CELF2: variants seen among roughly 807,000 people sequenced by gnomAD.
CELF2 encodes CUGBP Elav-like family member 2.
In CELF2, 8 loss-of-function variants were observed where a neutral mutation model predicts 62.6. That is an observed-to-expected ratio of 0.13 (90% CI 0.07 to 0.23). CELF2 has a LOEUF of 0.23. Among genes scored for constraint, CELF2 ranks in the 10% least tolerant of loss-of-function variants. The probability of loss-of-function intolerance (pLI) is 1.00; values close to 1 mark genes in which losing one functional copy is unlikely to be tolerated. For missense variants in CELF2, 333 were observed against 671.0 expected (o/e 0.50, Z 5.56); for synonymous variants, 258 against 250.0 (o/e 1.03, Z -0.30).
chr10:11,119,289 A>T (rs2057229739), intron 1 of CELF2, among the ~76,000 whole-genome samples: 1 of 152,222 alleles, frequency 6.6e-6, no homozygotes, highest in South Asian at 2.1e-4. Flanking sequence ...AATTCAGTAG[A>T]TAGGCGTCCT....
the CELF2 span, among the ~76,000 whole-genome samples, chr10:10,535,021 A>T: frequency 6.6e-6 from 1 of 152,226 alleles, no homozygotes. Flanking sequence ...CCATTACATC[A>T]GCCTTAGTAT....
rs2050839853 is a variant in CELF2, at chr10:10,972,333, A to G, written c.89+52334A>G. 6.6e-6 allele frequency among the ~76,000 whole-genome samples: 1 copy of G among 152,326 alleles called. No individual in the cohort carries two copies. Among genetic ancestry groups the G allele is most frequent in the South Asian group, 2.1e-4 (1 of 4,826 alleles). On this transcript the variant is annotated intron_variant, in intron 2 of 13. Coordinates refer to the CELF2 transcript ENST00000636488. This position sits in a 1 kb window ranked among gnomAD's most constrained non-coding sequence, Gnocchi z 4.4. ...TCATCATCCCCTGTAAAAATTCACA[A>G]TAGAAATTAGCAAGCTGTTTTGCTT... is the stretch of plus-strand genomic sequence containing the variant.
chr10:11,100,780 C>T (rs146593590), intron 1 of CELF2, among the ~76,000 whole-genome samples: 4 of 152,176 alleles, frequency 2.6e-5, no homozygotes, highest in African/African-American at 4.8e-5. Context: ...TGAACAGGTA[C>T]CTTGGAGATA....
Position 11,318,539 on chromosome 10 carries a change from A to G in CELF2, c.1097-2650A>G. The G allele has an allele frequency of 8.3e-6, 3 of 362,848 alleles. No homozygotes were observed. Among genetic ancestry groups the G allele is most frequent in the Non-Finnish European group, 1.6e-5 (3 of 182,432 alleles). 22.5% of individuals were successfully genotyped at this position (362,848 alleles called of 1,614,324 possible). A position where few individuals can be genotyped will look rare whatever the true frequency, so the allele number is the denominator to read the frequency against. ...GCAGATTAGCTCTGAGGTGTAGTCCAGAGACACAGCCAGCCTCTGTGAAGT... is the reference window on the plus strand; with the variant it reads ...GCAGATTAGCTCTGAGGTGTAGTCCGGAGACACAGCCAGCCTCTGTGAAGT... On this transcript the variant is annotated intron_variant, in intron 10 of 12. Transcript: ENST00000633077. This position sits in a 1 kb window ranked among gnomAD's most constrained non-coding sequence, Gnocchi z 5.4.
intron 1 of CELF2, among the ~76,000 whole-genome samples, chr10:11,025,120 G>A (rs2058929862): frequency 6.6e-6 from 1 of 151,974 alleles, no homozygotes; most frequent in Non-Finnish European, 1.5e-5. Flanking sequence ...CAATCAGTTG[G>A]TCTTTTAGGC....
At chr10:10,476,359 A>C in the CELF2 span, among the ~76,000 whole-genome samples, 1 of 152,284 alleles carries the variant, frequency 6.6e-6, no homozygotes, top group East Asian at 1.9e-4. Context: ...ATGCAGAGGC[A>C]AAGGGCTACT....
At chr10:10,736,530 C>T in the CELF2 span, among the ~76,000 whole-genome samples, 14 of 151,302 alleles carry the variant, frequency 9.3e-5, no homozygotes, top group African/African-American at 2.4e-4. Flanking sequence ...TTGTTATGAA[C>T]GAATAAGACA....
chr10:10,801,725 T>A (rs2054680861), intron 1 of CELF2, among the ~76,000 whole-genome samples: 1 of 152,210 alleles, frequency 6.6e-6, no homozygotes, highest in African/African-American at 2.4e-5. Flanking sequence ...ACCTGGAAGA[T>A]CCTCATGTGT....
At chr10:11,056,753 TGAA>T (rs2065339555) in intron 1 of CELF2, among the ~76,000 whole-genome samples, 1 of 152,166 alleles carries the variant, frequency 6.6e-6, no homozygotes, top group African/African-American at 2.4e-5. Context: ...TTATCTTAGG[TGAA>T]GAAGATACTA....
Position 10,877,028 on chromosome 10 carries a change from G to A in CELF2, c.54-42936G>A, listed in dbSNP as rs552591963. Among the ~76,000 whole-genome samples the A allele has an allele frequency of 6.1e-4, 93 of 152,302 alleles. No individual in the cohort carries two copies. In the South Asian group the frequency reaches 0.015, roughly 25 times the overall value. ...CCTCTAGAGTACTGGCAGTGTTAGC[G>A]TCCTTCTACAAGAGTCCTATTGCAG... On this transcript the variant is annotated intron_variant, in intron 1 of 13. Transcript: ENST00000636488.
the CELF2 span, among the ~76,000 whole-genome samples, chr10:10,739,934 G>C: frequency 6.6e-6 from 1 of 151,848 alleles, no homozygotes; most frequent in Non-Finnish European, 1.5e-5. Context: ...TTTTAATCAG[G>C]TTATTTGTTT....
intron 1 of CELF2, among the ~76,000 whole-genome samples, chr10:11,107,930 T>C (rs1595429674): frequency 1.0e-5 from 1 of 98,480 alleles, no homozygotes; most frequent in East Asian, 3.1e-4. Context: ...TCTCTTTCCT[T>C]CCTGTCCCCC....
the CELF2 span, among the ~76,000 whole-genome samples, chr10:10,537,450 C>A: frequency 3.3e-3 from 510 of 152,288 alleles, 1 homozygote; most frequent in African/African-American, 0.011. Context: ...GGCCCCAGGG[C>A]AGGAGCCCAA....
At chr10:10,759,339 C>T in the CELF2 span, among the ~76,000 whole-genome samples, 402 of 125,440 alleles carry the variant, frequency 3.2e-3, 1 homozygote, top group Non-Finnish European at 5.3e-3. Flanking sequence ...GATGAAGTCT[C>T]ACTCTTGTCT....
chr10:10,902,931 G>A (rs1160065744), intron 1 of CELF2, among the ~76,000 whole-genome samples: 1 of 142,880 alleles, frequency 7.0e-6, no homozygotes, highest in Non-Finnish European at 1.5e-5. Flanking sequence ...GGAGGGAAAA[G>A]CGGGAGGAAG....
chr10:11,140,433 T>C (rs1052502971), intron 1 of CELF2, among the ~76,000 whole-genome samples: 1 of 151,912 alleles, frequency 6.6e-6, no homozygotes. Flanking sequence ...AGTGCCCCAT[T>C]TCAACTATCT....
In CELF2 at chr10:11,207,538, A is replaced by G. The variant is rs113562916; in HGVS notation, c.272-9887A>G. Among the ~76,000 whole-genome samples the G allele has an allele frequency of 7.9e-3, 1,208 of 152,368 alleles. 19 individuals are homozygous for G. Among genetic ancestry groups the G allele is most frequent in the African/African-American group, 0.028 (1,144 of 41,584 alleles). On this transcript the variant is annotated intron_variant, in intron 2 of 12. Coordinates refer to ENST00000633077, the MANE Select transcript of CELF2 (RefSeq NM_001326342.2). This position sits in a 1 kb window ranked among gnomAD's most constrained non-coding sequence, Gnocchi z 4.1. ...CTGTCTGCGAGGAATCTTGCAGGGA[A>G]AGTGAGGAAGGATGTTGGTGGAGCA...
chr10:10,795,325 T>A (rs2054080901), upstream of CELF2, among the ~76,000 whole-genome samples: 1 of 151,980 alleles, frequency 6.6e-6, no homozygotes, highest in Non-Finnish European at 1.5e-5. Context: ...ATTTTTTTTT[T>A]ATGTAAAGGG....
chr10:10,912,709 G>C (rs1200026917), intron 1 of CELF2, among the ~76,000 whole-genome samples: 1 of 152,182 alleles, frequency 6.6e-6, no homozygotes, highest in Non-Finnish European at 1.5e-5. Flanking sequence ...TGCTATAGCA[G>C]AAGCCAGAAG....
Sources: gnomAD v4.1 joint callset for allele counts (sites outside exome capture counted in the v4.1 genomes callset) on GRCh38, gnomAD v4.1.1 for gene constraint, Gnocchi (gnomAD v3.1) non-coding constraint, MANE v1.5 for transcripts, NCBI Gene and HGNC (gene_info 2026-07-23, HGNC 2026-07-21) for gene names.